KDM4C: variants seen among roughly 807,000 people sequenced by gnomAD.
The protein encoded by KDM4C is lysine-specific demethylase 4C.
KDM4C carries 81 observed loss-of-function variants against 129.3 expected under a neutral mutation model. That is an observed-to-expected ratio of 0.63 (90% CI 0.52 to 0.75). The LOEUF (loss-of-function observed/expected upper bound fraction) is 0.75, where lower values mean the gene tolerates loss of function less well. KDM4C is among the 30% of genes least tolerant of loss of function. The probability of loss-of-function intolerance (pLI) is 0.00; values close to 1 mark genes in which losing one functional copy is unlikely to be tolerated. For synonymous variants in KDM4C, 573 were observed against 456.1 expected (o/e 1.26, Z -3.26); for missense variants, 1,457 against 1,304.0 (o/e 1.12, Z -1.81).
intron 1 of KDM4C, among the ~76,000 whole-genome samples, chr9:6,729,425 C>G (rs1404882146): frequency 7.9e-6 from 1 of 127,350 alleles, no homozygotes; most frequent in African/African-American, 3.5e-5. Context: ...CCTGTTGTCC[C>G]AGTTACTTAG....
intron 17 of KDM4C, among the ~76,000 whole-genome samples, chr9:7,101,399 T>A (rs969904269): frequency 2.0e-5 from 3 of 152,330 alleles, no homozygotes; most frequent in Middle Eastern, 3.4e-3. Flanking sequence ...CTGCGTTAAC[T>A]GTCTTACAGG....
At chr9:6,723,070 C>T (rs1817008873) in intron 1 of KDM4C, among the ~76,000 whole-genome samples, 1 of 152,136 alleles carries the variant, frequency 6.6e-6, no homozygotes, top group African/African-American at 2.4e-5. Context: ...ATTGAAGCAG[C>T]TGCCTGAATG....
At chr9:6,748,837 C>T in intron 1 of KDM4C, 1 of 1,157,278 alleles carries the variant, frequency 8.6e-7, no homozygotes, top group Non-Finnish European at 1.3e-6. Flanking sequence ...TCATCAAAAC[C>T]AATGATACAG....
At chr9:6,827,247 C>T (rs1260528962) in intron 4 of KDM4C, among the ~76,000 whole-genome samples, 1 of 152,222 alleles carries the variant, frequency 6.6e-6, no homozygotes, top group Non-Finnish European at 1.5e-5. Context: ...TCAGAGTCTT[C>T]ATCTACAAGG....
intron 3 of KDM4C, among the ~76,000 whole-genome samples, chr9:6,811,933 G>A (rs911547883): frequency 2.6e-5 from 4 of 152,138 alleles, no homozygotes; most frequent in African/African-American, 9.7e-5. Flanking sequence ...TTGTCCATTA[G>A]GAAGGACAGT....
intron 4 of KDM4C, chr9:6,835,615 C>A: frequency 2.4e-6 from 2 of 840,414 alleles, no homozygotes; most frequent in Non-Finnish European, 4.2e-6. Flanking sequence ...CCTTTCTTGA[C>A]AAAACCTGAC....
At chr9:6,821,894 C>G (rs555958379) in intron 4 of KDM4C, among the ~76,000 whole-genome samples, 4 of 152,304 alleles carry the variant, frequency 2.6e-5, no homozygotes, top group South Asian at 4.1e-4. Context: ...CTTGGCCTCC[C>G]AAAGTGCTGG....
chr9:7,075,778 C>T (rs548834722), intron 17 of KDM4C, among the ~76,000 whole-genome samples: 80 of 152,130 alleles, frequency 5.3e-4, no homozygotes, highest in African/African-American at 1.8e-3. Context: ...GAGACTCCAT[C>T]TCCTGGGCAT....
intron 17 of KDM4C, among the ~76,000 whole-genome samples, chr9:7,060,622 C>A (rs983747002): frequency 6.6e-6 from 1 of 151,992 alleles, no homozygotes; most frequent in Non-Finnish European, 1.5e-5. Flanking sequence ...GCTGGGACTA[C>A]AGGTGCATGC....
At chr9:7,107,022 C>G (rs937730974) in intron 18 of KDM4C, among the ~76,000 whole-genome samples, 4 of 151,900 alleles carry the variant, frequency 2.6e-5, no homozygotes, top group Non-Finnish European at 4.4e-5. Flanking sequence ...GTTATTTCAA[C>G]CTAAATTTTT....
intron 1 of KDM4C, among the ~76,000 whole-genome samples, chr9:6,725,160 CT>C (rs1817081329): frequency 6.6e-6 from 1 of 152,152 alleles, no homozygotes; most frequent in Non-Finnish European, 1.5e-5. Flanking sequence ...ATGTGATCCC[CT>C]TATCCTTGAG....
intron 5 of KDM4C, among the ~76,000 whole-genome samples, chr9:6,866,114 A>G (rs1841925795): frequency 6.7e-6 from 1 of 149,340 alleles, no homozygotes; most frequent in Non-Finnish European, 1.5e-5. Context: ...CGGACTCCTG[A>G]CCTCAGGTGA....
At chr9:7,015,794 C>A in intron 14 of KDM4C, 59 bp from the exon 15 acceptor site, 1 of 1,143,038 alleles carries the variant, frequency 8.7e-7, no homozygotes, top group Non-Finnish European at 1.3e-6. Context: ...GTACTGAGAT[C>A]TGCAATATTT....
At chr9:6,861,759 A>C (rs1840963391) in intron 5 of KDM4C, among the ~76,000 whole-genome samples, 1 of 151,840 alleles carries the variant, frequency 6.6e-6, no homozygotes. Flanking sequence ...GTTACTTTAC[A>C]ATATATATTT....
chr9:6,894,251 G>A (rs1256614749), intron 8 of KDM4C, among the ~76,000 whole-genome samples: 1 of 152,218 alleles, frequency 6.6e-6, no homozygotes, highest in Non-Finnish European at 1.5e-5. Context: ...TGGCAGCCCA[G>A]GAGTCATTCG....
upstream of KDM4C, among the ~76,000 whole-genome samples, chr9:6,756,485 G>C (rs185861729): frequency 6.6e-6 from 1 of 152,240 alleles, no homozygotes; most frequent in East Asian, 1.9e-4. Flanking sequence ...GGGAGGCCGA[G>C]GCGGGCGGAT....
At chr9:7,129,550 G>A (rs73403355) in intron 19 of KDM4C, among the ~76,000 whole-genome samples, 1 of 152,104 alleles carries the variant, frequency 6.6e-6, no homozygotes, top group South Asian at 2.1e-4. Context: ...CACTCAATCT[G>A]CATTCACTGA....
At chr9:6,779,235 C>A (rs1321919357) in intron 1 of KDM4C, among the ~76,000 whole-genome samples, 1 of 151,050 alleles carries the variant, frequency 6.6e-6, no homozygotes. Flanking sequence ...TCACCGTGGT[C>A]TCGATCTCTT....
intron 17 of KDM4C, among the ~76,000 whole-genome samples, chr9:7,051,244 A>C (rs980770420): frequency 2.0e-5 from 3 of 152,150 alleles, no homozygotes; most frequent in Admixed American, 2.0e-4. Context: ...TTTGGGGGGA[A>C]GAATGTCTAA....
Sources: allele counts gnomAD v4.1 joint callset (sites outside exome capture counted in the v4.1 genomes callset), GRCh38; gene constraint gnomAD v4.1.1; transcripts MANE v1.5; gene names NCBI Gene and HGNC (gene_info 2026-07-23, HGNC 2026-07-21).